The following GPR39 variants were observed in gnomAD, a reference collection of about 807,000 sequenced individuals.
GPR39 encodes the protein G protein-coupled receptor 39.
Under a neutral mutation model 18.4 loss-of-function variants are expected in GPR39, and 23 were observed. The ratio of observed to expected loss-of-function variants is 1.25; its 90% CI spans 0.90 to 1.77. GPR39 has a LOEUF of 1.77. Among genes scored for constraint, GPR39 ranks in the 40% most tolerant of loss-of-function variants. The pLI, the probability that GPR39 is intolerant of heterozygous loss-of-function variation, is 0.00. For synonymous variants in GPR39, 280 were observed against 257.9 expected, an observed-to-expected ratio of 1.09 and a Z score of -0.82; for missense variants, 647 against 602.4, an observed-to-expected ratio of 1.07 and a Z score of -0.78.
At chr2:132,609,964 C>T (rs1000760788) in intron 1 of GPR39, among the ~76,000 whole-genome samples, 9 of 151,946 alleles carry the variant, frequency 5.9e-5, no homozygotes, top group Middle Eastern at 3.2e-3. Flanking sequence ...CAAAGCCTTC[C>T]CCAACTTCTG....
At chr2:132,597,555 G>A (rs1432635639) in intron 1 of GPR39, among the ~76,000 whole-genome samples, 2 of 152,190 alleles carry the variant, frequency 1.3e-5, no homozygotes, top group African/African-American at 4.8e-5. Flanking sequence ...GTCAAGTAGA[G>A]AAGGAAGCAG....
intron 1 of GPR39, among the ~76,000 whole-genome samples, chr2:132,445,581 G>C (rs777078635): frequency 5.9e-5 from 9 of 152,200 alleles, no homozygotes; most frequent in Non-Finnish European, 1.3e-4. Context: ...ATTTATGCCT[G>C]TTTTCTAGGT....
intron 1 of GPR39, among the ~76,000 whole-genome samples, chr2:132,540,794 T>C (rs928173188): frequency 2.0e-5 from 3 of 152,174 alleles, no homozygotes; most frequent in African/African-American, 7.2e-5. Flanking sequence ...GGGGCACCCA[T>C]ATCCTCTTGC....
chr2:132,419,023 A>T (rs1573592245), intron 1 of GPR39, among the ~76,000 whole-genome samples: 1 of 152,142 alleles, frequency 6.6e-6, no homozygotes, highest in African/African-American at 2.4e-5. Flanking sequence ...TGATGGAAAG[A>T]CCTGGGTCTT....
At chr2:132,610,796 A>AG (rs1467012161) in intron 1 of GPR39, among the ~76,000 whole-genome samples, 2 of 149,500 alleles carry the variant, frequency 1.3e-5, no homozygotes, top group Non-Finnish European at 1.5e-5. Flanking sequence ...AAAAAAAAAA[A>AG]AAGAAGAAGA....
intron 1 of GPR39, among the ~76,000 whole-genome samples, chr2:132,531,164 C>T (rs1679620660): frequency 6.6e-6 from 1 of 152,030 alleles, no homozygotes; most frequent in Non-Finnish European, 1.5e-5. Context: ...GGAATATCTA[C>T]CAAGCAAATG....
chr2:132,526,098 C>T (rs531136943), intron 1 of GPR39, among the ~76,000 whole-genome samples: 4 of 152,280 alleles, frequency 2.6e-5, no homozygotes, highest in Admixed American at 2.6e-4. Context: ...CTGGACCAAC[C>T]TGATATGAGG....
At chr2:132,451,334 TAC>T (rs1391543572) in intron 1 of GPR39, among the ~76,000 whole-genome samples, 20 of 152,224 alleles carry the variant, frequency 1.3e-4, no homozygotes, top group Admixed American at 5.9e-4. Flanking sequence ...CATTATGTTG[TAC>T]AGTTATTTGT....
At chr2:132,437,962 T>C (rs41488348) in intron 1 of GPR39, among the ~76,000 whole-genome samples, 4,236 of 152,310 alleles carry the variant, frequency 0.028, 95 homozygotes, top group Non-Finnish European at 0.045. Flanking sequence ...TGAAACTGTT[T>C]GGTGAACCAT....
At chr2:132,555,505 G>A (rs915098809) in intron 1 of GPR39, among the ~76,000 whole-genome samples, 1 of 152,176 alleles carries the variant, frequency 6.6e-6, no homozygotes, top group South Asian at 2.1e-4. Flanking sequence ...GGGGCTACTG[G>A]TGTCTCTGTT....
chr2:132,431,352 T>C (rs1422680003), intron 1 of GPR39, among the ~76,000 whole-genome samples: 1 of 152,254 alleles, frequency 6.6e-6, no homozygotes, highest in Non-Finnish European at 1.5e-5. Context: ...ATGTCAAGCA[T>C]ATTGACCATG....
At chr2:132,417,975 T>C (rs1007703504) in intron 1 of GPR39, 77 bp downstream of exon 1, 1 of 1,485,296 alleles carries the variant, frequency 6.7e-7, no homozygotes, top group African/African-American at 1.4e-5. Context: ...CCTGTGGCCC[T>C]CTCCAGGGCA....
At chr2:132,451,785 G>A (rs1012078252) in intron 1 of GPR39, among the ~76,000 whole-genome samples, 1 of 151,828 alleles carries the variant, frequency 6.6e-6, no homozygotes, top group Admixed American at 6.6e-5. Flanking sequence ...TTCCCCTTCT[G>A]TTAGTTATAT....
intron 1 of GPR39, among the ~76,000 whole-genome samples, chr2:132,545,850 A>G (rs1012676462): frequency 2.6e-5 from 4 of 152,182 alleles, no homozygotes; most frequent in Non-Finnish European, 5.9e-5. Flanking sequence ...TCCAAGACTA[A>G]GTTTGCGTAA....
At chr2:132,558,265 C>A (rs958144367) in intron 1 of GPR39, among the ~76,000 whole-genome samples, 5 of 152,072 alleles carry the variant, frequency 3.3e-5, no homozygotes, top group Admixed American at 2.6e-4. Context: ...ACTAGCAATA[C>A]CTGCTCTGTT....
chr2:132,603,205 CAA>C (rs1336249854), intron 1 of GPR39, among the ~76,000 whole-genome samples: 6 of 151,950 alleles, frequency 3.9e-5, no homozygotes, highest in African/African-American at 7.2e-5. Flanking sequence ...TATTTAGCTA[CAA>C]AAAAATAAAA....
At chr2:132,529,059 C>A (rs1679561758) in intron 1 of GPR39, among the ~76,000 whole-genome samples, 1 of 152,112 alleles carries the variant, frequency 6.6e-6, no homozygotes, top group East Asian at 1.9e-4. Flanking sequence ...TGAGCTGAAG[C>A]AGGCCTCACC....
At chr2:132,492,482 T>TATATATACACC (rs1382509061) in intron 1 of GPR39, among the ~76,000 whole-genome samples, 3 of 143,564 alleles carry the variant, frequency 2.1e-5, no homozygotes, top group African/African-American at 7.6e-5. Context: ...ATATACACCA[T>TATATATACACC]ATATATACAC....
At chr2:132,520,249 C>T (rs568870968) in intron 1 of GPR39, among the ~76,000 whole-genome samples, 1 of 152,198 alleles carries the variant, frequency 6.6e-6, no homozygotes, top group Admixed American at 6.5e-5. Flanking sequence ...CCAAGCAAGG[C>T]AAATGCCTTT....
Sources: gnomAD v4.1 joint callset for allele counts (sites outside exome capture counted in the v4.1 genomes callset) on GRCh38, gnomAD v4.1.1 for gene constraint, MANE v1.5 for transcripts, NCBI Gene and HGNC (gene_info 2026-07-23, HGNC 2026-07-21) for gene names.